The following RARB variants were observed in gnomAD, a reference collection of about 807,000 sequenced individuals.
RARB encodes retinoic acid receptor beta, also known as HBV-activated protein.
In RARB, 17 loss-of-function variants were observed where a neutral mutation model predicts 51.9. That is an observed-to-expected ratio of 0.33 (90% CI 0.22 to 0.49). RARB has a LOEUF of 0.49. Ranked by LOEUF, RARB falls within the 20% of genes least tolerant of loss-of-function variation. RARB has a pLI of 0.99. For synonymous variants in RARB, 215 were observed against 195.4 expected, an observed-to-expected ratio of 1.10 and a Z score of -0.84; for missense variants, 369 against 550.8, an observed-to-expected ratio of 0.67 and a Z score of 3.30.
At chr3:24,936,228 G>A (rs1695545502) in intron 2 of RARB, among the ~76,000 whole-genome samples, 1 of 152,138 alleles carries the variant, frequency 6.6e-6, no homozygotes, top group Non-Finnish European at 1.5e-5. Context: ...TGAGATGTGT[G>A]ATGGTGATGG....
chr3:25,418,385 A>G (rs1199174711), intron 5 of RARB, among the ~76,000 whole-genome samples: 1 of 152,224 alleles, frequency 6.6e-6, no homozygotes, highest in African/African-American at 2.4e-5. Flanking sequence ...TATTGCATTT[A>G]ATTCTCCAAC....
chr3:25,239,206 C>T (rs562628234), intron 5 of RARB, among the ~76,000 whole-genome samples: 1 of 152,106 alleles, frequency 6.6e-6, no homozygotes. Flanking sequence ...ATATTAGTCC[C>T]TTGTCATATG....
intron 5 of RARB, among the ~76,000 whole-genome samples, chr3:25,402,497 T>G (rs1053453975): frequency 2.0e-5 from 3 of 152,338 alleles, no homozygotes; most frequent in African/African-American, 7.2e-5. Context: ...AAGAGATACC[T>G]GCACTCCTCT....
chr3:25,584,572 G>A (rs1018651644), intron 5 of RARB, among the ~76,000 whole-genome samples: 1 of 152,164 alleles, frequency 6.6e-6, no homozygotes, highest in Non-Finnish European at 1.5e-5. Flanking sequence ...AAGGCCCTGG[G>A]GCAGAGGAAG....
At chr3:25,043,399 C>A in intron 2 of RARB, among the ~76,000 whole-genome samples, 1 of 152,156 alleles carries the variant, frequency 6.6e-6, no homozygotes, top group East Asian at 1.9e-4. Context: ...CGGCAACAGG[C>A]CAAGCACACT....
At chr3:24,935,929 G>A (rs1163753641) in intron 2 of RARB, among the ~76,000 whole-genome samples, 1 of 152,010 alleles carries the variant, frequency 6.6e-6, no homozygotes, top group Non-Finnish European at 1.5e-5. Flanking sequence ...CAATAAATTG[G>A]CACAGAGTAG....
chr3:24,975,375 T>G (rs913808668), intron 2 of RARB, among the ~76,000 whole-genome samples: 9 of 152,154 alleles, frequency 5.9e-5, no homozygotes, highest in Non-Finnish European at 1.3e-4. Context: ...CTCCAGGCAC[T>G]GTTTTTGGTG....
At chr3:25,432,450 T>C (rs1194472739) in intron 1 of RARB, among the ~76,000 whole-genome samples, 1 of 152,184 alleles carries the variant, frequency 6.6e-6, no homozygotes, top group East Asian at 1.9e-4. Context: ...GCCCTTGCAT[T>C]GAAGCAGGTC....
intron 2 of RARB, among the ~76,000 whole-genome samples, chr3:24,921,627 TC>T (rs1053831585): frequency 5.9e-5 from 9 of 151,576 alleles, no homozygotes; most frequent in Non-Finnish European, 1.2e-4. Flanking sequence ...AGCGAGGAGG[TC>T]CCCCCCATCT....
intron 2 of RARB, among the ~76,000 whole-genome samples, chr3:24,901,758 T>A (rs1285045111): frequency 6.6e-6 from 1 of 152,182 alleles, no homozygotes; most frequent in African/African-American, 2.4e-5. Flanking sequence ...CTTTGCTGAC[T>A]AGGGGGATTC....
chr3:24,855,747 T>G (rs1702623369), intron 1 of RARB, among the ~76,000 whole-genome samples: 8 of 144,392 alleles, frequency 5.5e-5, no homozygotes, highest in Admixed American at 5.5e-4. Flanking sequence ...AATCTGCATT[T>G]TTTTTTTTTT....
chr3:24,989,354 C>T (rs1160627301), intron 2 of RARB, among the ~76,000 whole-genome samples: 2 of 152,164 alleles, frequency 1.3e-5, no homozygotes, highest in African/African-American at 4.8e-5. Context: ...GAGTCTTTCT[C>T]AGGTAAATAC....
rs553340382 is a variant in RARB at position 25,019,218 on chromosome 3, T to C, written c.-379-40907T>C. 2.0e-3 allele frequency among the ~76,000 whole-genome samples: 306 copies of C among 152,320 alleles called. 2 individuals are homozygous for C. The highest frequency in any genetic ancestry group is 3.9e-3 in the Admixed American group (59 of 15,290). Reference sequence around the variant, plus strand: ...TTATATCTAGGATTGTGGAATGTTATTGTTATTTTTAAAAATGCCCTAAAA... The same window carrying C: ...TTATATCTAGGATTGTGGAATGTTACTGTTATTTTTAAAAATGCCCTAAAA... On this transcript the variant is annotated intron_variant, in intron 2 of 11. Transcript: ENST00000383772.
chr3:25,053,780 G>A (rs1468981007), intron 2 of RARB, among the ~76,000 whole-genome samples: 1 of 152,152 alleles, frequency 6.6e-6, no homozygotes, highest in Non-Finnish European at 1.5e-5. Context: ...ACCCAAATCA[G>A]TTACGGAACT....
chr3:25,071,011 C>T (rs1698756331), intron 3 of RARB, among the ~76,000 whole-genome samples: 1 of 152,176 alleles, frequency 6.6e-6, no homozygotes, highest in East Asian at 1.9e-4. Flanking sequence ...ACTAGATCTA[C>T]CATGCTTCTT....
intron 2 of RARB, among the ~76,000 whole-genome samples, chr3:24,868,466 G>A (rs947955580): frequency 1.3e-5 from 2 of 151,938 alleles, no homozygotes; most frequent in Admixed American, 6.6e-5. Context: ...CAATACTCTT[G>A]TAAACAAACA....
chr3:25,418,087 CACA>C (rs1369540276), intron 5 of RARB, among the ~76,000 whole-genome samples: 3 of 152,110 alleles, frequency 2.0e-5, no homozygotes, highest in African/African-American at 7.2e-5. Flanking sequence ...TGAATTTGCA[CACA>C]ACACTTGTGA....
At chr3:25,266,645 C>G (rs1703133827) in intron 5 of RARB, among the ~76,000 whole-genome samples, 1 of 152,114 alleles carries the variant, frequency 6.6e-6, no homozygotes, top group South Asian at 2.1e-4. Context: ...TGTGTTGAAG[C>G]CCTGACACCC....
intron 2 of RARB, among the ~76,000 whole-genome samples, chr3:25,030,560 T>C (rs1285295446): frequency 6.6e-6 from 1 of 152,260 alleles, no homozygotes; most frequent in Admixed American, 6.5e-5. Flanking sequence ...TTGTATTATG[T>C]TATCTCATGC....
Sources: allele counts gnomAD v4.1 joint callset (sites outside exome capture counted in the v4.1 genomes callset), GRCh38; gene constraint gnomAD v4.1.1; transcripts MANE v1.5; gene names NCBI Gene and HGNC (gene_info 2026-07-23, HGNC 2026-07-21).